Variants in OR2L13 observed in about 807,000 individuals in gnomAD.
OR2L13 encodes olfactory receptor 2L13.
Under a neutral mutation model 15.3 loss-of-function variants are expected in OR2L13, and 14 were observed. The observed-to-expected ratio is 0.91, with a 90% confidence interval of 0.60 to 1.43. The LOEUF (loss-of-function observed/expected upper bound fraction) is 1.43, where lower values mean the gene tolerates loss of function less well. OR2L13 is among the 40% of genes most tolerant of loss of function. OR2L13 has a pLI of 0.00. For missense variants in OR2L13, 367 were observed against 387.9 expected (o/e 0.95, Z 0.45); for synonymous variants, 152 against 142.9 (o/e 1.06, Z -0.45).
chr1:248,075,685 A>C, the OR2L13 span, among the ~76,000 whole-genome samples: 22,977 of 151,996 alleles, frequency 0.15, 3,304 homozygotes, highest in African/African-American at 0.38. Context: ...CCTTTGCCCA[A>C]TTTTTGATGA....
At chr1:248,069,774 A>G in the OR2L13 span, among the ~76,000 whole-genome samples, 1 of 152,196 alleles carries the variant, frequency 6.6e-6, no homozygotes, top group Non-Finnish European at 1.5e-5. Flanking sequence ...AAAAGGGCGG[A>G]GGAAGATCTA....
chr1:247,941,059 G>A, the OR2L13 span, among the ~76,000 whole-genome samples: 2 of 152,070 alleles, frequency 1.3e-5, no homozygotes, highest in African/African-American at 4.8e-5. Context: ...CTTCAGAGAT[G>A]TGTCTGTTCA....
the OR2L13 span, among the ~76,000 whole-genome samples, chr1:248,027,152 T>C: frequency 1.3e-5 from 2 of 152,172 alleles, no homozygotes; most frequent in Non-Finnish European, 2.9e-5. Flanking sequence ...ATGGCCACTT[T>C]GGGGATGGCT....
At chr1:248,071,136 A>G in the OR2L13 span, among the ~76,000 whole-genome samples, 2 of 152,216 alleles carry the variant, frequency 1.3e-5, no homozygotes, top group African/African-American at 4.8e-5. Context: ...TGAGGCCAAC[A>G]TCATCCTGAT....
At chr1:248,053,337 C>T in the OR2L13 span, among the ~76,000 whole-genome samples, 1 of 152,096 alleles carries the variant, frequency 6.6e-6, no homozygotes, top group Non-Finnish European at 1.5e-5. Context: ...ACCACAGTTT[C>T]TTTATTCAGT....
the OR2L13 span, among the ~76,000 whole-genome samples, chr1:248,029,696 G>A: frequency 6.6e-6 from 1 of 152,064 alleles, no homozygotes; most frequent in Non-Finnish European, 1.5e-5. Flanking sequence ...CTTAAATCTT[G>A]TTGCCAATAT....
At chr1:247,996,345 C>T in the OR2L13 span, among the ~76,000 whole-genome samples, 2 of 152,156 alleles carry the variant, frequency 1.3e-5, no homozygotes, top group Non-Finnish European at 2.9e-5. Context: ...ACTTCTTTTC[C>T]AAATTGGTAA....
At chr1:247,993,760 GGGGA>G in the OR2L13 span, among the ~76,000 whole-genome samples, 5,456 of 53,438 alleles carry the variant, frequency 0.1, 556 homozygotes, top group Middle Eastern at 0.18. Context: ...ACAGAGAGAG[GGGGA>G]GAGAGAGAGA....
chr1:248,068,204 C>G, the OR2L13 span, among the ~76,000 whole-genome samples: 1 of 152,172 alleles, frequency 6.6e-6, no homozygotes, highest in Non-Finnish European at 1.5e-5. Context: ...TCAAGTGGGT[C>G]CCTGACCCCT....
the OR2L13 span, among the ~76,000 whole-genome samples, chr1:247,944,732 A>C: frequency 6.5e-3 from 983 of 152,192 alleles, 14 homozygotes; most frequent in African/African-American, 0.022. Context: ...GGTTGATTCC[A>C]CATCTTTGCT....
chr1:247,958,245 A>C, the OR2L13 span, among the ~76,000 whole-genome samples: 3 of 152,016 alleles, frequency 2.0e-5, no homozygotes, highest in African/African-American at 7.2e-5. Context: ...CATGTAGTTG[A>C]GCAGTTTTGA....
At chr1:248,001,426 T>C in the OR2L13 span, among the ~76,000 whole-genome samples, 1 of 151,884 alleles carries the variant, frequency 6.6e-6, no homozygotes, top group East Asian at 1.9e-4. Flanking sequence ...ATTATTTCAT[T>C]AATGCTGACA....
At chr1:248,059,178 T>C in the OR2L13 span, among the ~76,000 whole-genome samples, 1 of 152,314 alleles carries the variant, frequency 6.6e-6, no homozygotes, top group South Asian at 2.1e-4. Context: ...GCTGTGTGAA[T>C]GTTAGTTGTA....
the OR2L13 span, chr1:247,975,670 CT>C: frequency 9.6e-7 from 1 of 1,045,324 alleles, no homozygotes; most frequent in South Asian, 1.4e-5. Context: ...GACAAACTTT[CT>C]GCCTTAGAGT....
the OR2L13 span, among the ~76,000 whole-genome samples, chr1:247,975,835 T>G: frequency 6.6e-6 from 1 of 152,184 alleles, no homozygotes; most frequent in Non-Finnish European, 1.5e-5. Context: ...TATGTTGTTT[T>G]GTTTTTGCTG....
At chr1:248,085,063 A>T in the OR2L13 span, among the ~76,000 whole-genome samples, 1 of 152,144 alleles carries the variant, frequency 6.6e-6, no homozygotes, top group Non-Finnish European at 1.5e-5. Flanking sequence ...CAAAGATTCT[A>T]CCTAATCAAG....
upstream of OR2L13, among the ~76,000 whole-genome samples, chr1:248,094,305 C>A (rs909318797): frequency 2.0e-5 from 3 of 151,864 alleles, no homozygotes; most frequent in African/African-American, 7.3e-5. Flanking sequence ...GCAGTTAGTG[C>A]CTTCAAAGAT....
chr1:248,010,876 G>A, the OR2L13 span, among the ~76,000 whole-genome samples: 1 of 139,988 alleles, frequency 7.1e-6, no homozygotes, highest in African/African-American at 2.6e-5. Context: ...CCTGAATACA[G>A]CACACCAATA....
chr1:248,076,284 G>T, the OR2L13 span, among the ~76,000 whole-genome samples: 1 of 152,190 alleles, frequency 6.6e-6, no homozygotes, highest in African/African-American at 2.4e-5. Context: ...GTAGCGTGAT[G>T]CCTCCAGCTT....
Sources: gnomAD v4.1 joint callset for allele counts (sites outside exome capture counted in the v4.1 genomes callset) on GRCh38, gnomAD v4.1.1 for gene constraint, MANE v1.5 for transcripts, NCBI Gene and HGNC (gene_info 2026-07-23, HGNC 2026-07-21) for gene names.